Variants in TNC observed in about 807,000 individuals in gnomAD.
TNC encodes the protein tenascin.
TNC carries 109 observed loss-of-function variants against 202.4 expected under a neutral mutation model. The observed-to-expected ratio is 0.54, with a 90% CI of 0.46 to 0.63. TNC has a LOEUF of 0.63. Ranked by LOEUF, TNC falls within the 30% of genes least tolerant of loss-of-function variation. The pLI is 0.00. For missense variants in TNC, 2,756 were observed against 2,833.3 expected, an observed-to-expected ratio of 0.97 and a Z score of 0.62; for synonymous variants, 1,007 against 1,089.7, an observed-to-expected ratio of 0.92 and a Z score of 1.50.
chr9:115,084,335 G>A lies in TNC; in HGVS notation c.2005C>T (p.Arg669Cys), dbSNP rs370688982. 2.8e-5 allele frequency: 46 copies of A among 1,614,040 alleles called. No homozygotes were observed. The highest frequency in any genetic ancestry group is 6.7e-5 in the Admixed American group (4 of 60,002). The change falls in exon 4 of 28, where the codon CGT (arginine) becomes TGT (cysteine). Residue 669 changes from arginine to cysteine, a missense_variant. By Grantham distance (180) the Arg-to-Cys change is radical. Around this residue, in one of 2 missense-constraint regions of TNC, gnomAD observed 2,559 missense variants for 2,546.0 expected, o/e 1.01. Transcript: ENST00000350763. ...THEGGLEMQF[R>C]VPGDQTSTII... ...GTGGACGTCTGGTCCCCAGGCACACGGAACTGCATTTCCAGACCACCCTCG... is the reference window on the plus strand; with the variant it reads ...GTGGACGTCTGGTCCCCAGGCACACAGAACTGCATTTCCAGACCACCCTCG...
intron 13 of TNC, among the ~76,000 whole-genome samples, chr9:115,062,651 A>G (rs927325705): frequency 1.3e-5 from 2 of 149,762 alleles, no homozygotes; most frequent in African/African-American, 4.9e-5. Context: ...ACACACACAC[A>G]TATATATATA....
intron 7 of TNC, among the ~76,000 whole-genome samples, chr9:115,077,664 T>A (rs1460428168): frequency 6.6e-6 from 1 of 152,246 alleles, no homozygotes; most frequent in East Asian, 1.9e-4. Context: ...AAATATTTAT[T>A]TGAACTTTAT....
At chr9:115,054,043 A>G (rs1564444818) in intron 15 of TNC, among the ~76,000 whole-genome samples, 1 of 152,206 alleles carries the variant, frequency 6.6e-6, no homozygotes, top group Non-Finnish European at 1.5e-5. Context: ...TTTATCAAAT[A>G]AAACTAATTT....
intron 8 of TNC, 83 bp from the exon 9 acceptor site, chr9:115,076,204 C>T (rs1162484432): frequency 2.0e-6 from 3 of 1,464,090 alleles, no homozygotes; most frequent in Admixed American, 1.7e-5. Context: ...TTGAGTTGGT[C>T]TCTGGAGGCT....
rs150299391 is a variant in TNC, at chr9:115,027,671, T to C, written c.6170-976A>G. 3.6e-4 allele frequency among the ~76,000 whole-genome samples: 55 copies of C among 152,322 alleles called. 1 individual carries two copies. The highest frequency in any genetic ancestry group is 1.3e-3 in the African/African-American group (54 of 41,576). On this transcript the variant is annotated intron_variant, in intron 25 of 27. Transcript: ENST00000350763. ...AATGAATAATATAGATAAATGTTTA[T>C]TATAATATGATAAACATTTTCTGGG...
intron 17 of TNC, among the ~76,000 whole-genome samples, chr9:115,043,518 G>T (rs1830934384): frequency 1.3e-5 from 2 of 152,146 alleles, no homozygotes; most frequent in African/African-American, 2.4e-5. Flanking sequence ...TTCTCCATCT[G>T]TCCAGAGGGA....
At chr9:115,068,718 G>A (rs1479601273) in intron 10 of TNC, among the ~76,000 whole-genome samples, 1 of 152,200 alleles carries the variant, frequency 6.6e-6, no homozygotes, top group African/African-American at 2.4e-5. Context: ...ATAGCTTGCA[G>A]TTCACTAAGG....
At chr9:115,049,783 G>A (rs1302853484) in intron 15 of TNC, among the ~76,000 whole-genome samples, 1 of 151,844 alleles carries the variant, frequency 6.6e-6, no homozygotes, top group Non-Finnish European at 1.5e-5. Flanking sequence ...CTTACAAAGA[G>A]ATAAATGCTC....
chr9:115,057,442 TA>T lies in TNC; in HGVS notation c.4307-18del, dbSNP rs748858549. On this transcript the variant is annotated intron_variant, in intron 14 of 27. Coordinates refer to ENST00000350763, the MANE Select transcript of TNC (RefSeq NM_002160.4). ...GTTCTTTGGCTGTAAAAGGAAGGGG[TA>T]GGGGAGAAGAAAAAAATAAATTTGA... 5 of 1,568,698 alleles carry T rather than the reference TA, an allele frequency of 3.2e-6. No individual in the cohort carries two copies. Among genetic ancestry groups the T allele is most frequent in the Non-Finnish European group, 4.3e-6 (5 of 1,165,806 alleles).
At chr9:115,109,762 T>C (rs1160635035) in intron 1 of TNC, among the ~76,000 whole-genome samples, 1 of 152,208 alleles carries the variant, frequency 6.6e-6, no homozygotes, top group African/African-American at 2.4e-5. Flanking sequence ...CAGTTTCCTG[T>C]CCTAGGGCTG....
chr9:115,098,794 T>C (rs1835988078), intron 1 of TNC, among the ~76,000 whole-genome samples: 1 of 152,210 alleles, frequency 6.6e-6, no homozygotes, highest in Non-Finnish European at 1.5e-5. Context: ...TTATTGTGCA[T>C]GGCCTGTCAA....
At chr9:115,048,822 G>A (rs1831414116) in intron 15 of TNC, among the ~76,000 whole-genome samples, 1 of 152,126 alleles carries the variant, frequency 6.6e-6, no homozygotes, top group African/African-American at 2.4e-5. Flanking sequence ...AGAAGAGATA[G>A]AGCGAAGATT....
In TNC at chr9:115,041,076, A is replaced by G; in HGVS notation, c.5257T>C (p.Ser1753Pro). Residue 1753 changes from serine (S) to proline (P), a missense_variant, in exon 19 of 28, where the codon TCC (serine) becomes CCC (proline). Physicochemically the swap from Ser to Pro is moderately conservative, Grantham distance 74 (BLOSUM62 -1). Coordinates refer to ENST00000350763, the MANE Select transcript of TNC (RefSeq NM_002160.4). ...TTGGTTCCGTCCACAGTTACCATGG[A>G]GGGTGTACCTGGAACACAGTAAAAG... ...TYVPITGGTP[S>P]MVTVDGTKTQ... The G allele has an allele frequency of 6.2e-7, 1 of 1,613,312 alleles. No homozygotes were observed. Among genetic ancestry groups the G allele is most frequent in the Admixed American group, 1.7e-5 (1 of 59,904 alleles).
Position 115,063,132 on chromosome 9 carries a change from C to T in TNC, c.3818G>A (p.Arg1273Lys), listed in dbSNP as rs1431507969. 2.5e-6 allele frequency: 4 copies of T among 1,614,190 alleles called. No homozygotes were observed. The highest frequency in any genetic ancestry group is 3.4e-6 in the Non-Finnish European group (4 of 1,180,034). Residue 1273 changes from arginine to lysine, a missense_variant, in exon 13 of 28, where the codon AGA becomes AAA. Physicochemically the swap from Arg to Lys is conservative, Grantham distance 26 (BLOSUM62 2). Transcript: ENST00000350763. ...TVTEVSWDAL[R>K]LNWTTPDGTY... Reference sequence around the variant, plus strand: ...TCCATCTGGCGTGGTCCAGTTCAGTCTGAGAGCATCCCAGCTAACCTCGGT... The same window carrying T: ...TCCATCTGGCGTGGTCCAGTTCAGTTTGAGAGCATCCCAGCTAACCTCGGT...
At chr9:115,116,202 A>G (rs900643991) in intron 1 of TNC, among the ~76,000 whole-genome samples, 3 of 152,242 alleles carry the variant, frequency 2.0e-5, no homozygotes, top group African/African-American at 7.2e-5. Flanking sequence ...GGGATAAAAT[A>G]GAGAAGCTAG....
At chr9:115,022,058 T>G (rs1389381495) in intron 27 of TNC, among the ~76,000 whole-genome samples, 1 of 152,264 alleles carries the variant, frequency 6.6e-6, no homozygotes, top group African/African-American at 2.4e-5. Flanking sequence ...GTTTCAACTT[T>G]GACTCTTCAG....
intron 2 of TNC, 58 bp downstream of exon 2, chr9:115,090,504 T>A: frequency 7.2e-7 from 1 of 1,379,994 alleles, no homozygotes; most frequent in South Asian, 1.4e-5. Flanking sequence ...GATGCTGCTA[T>A]GCTCTTCATT....
At chr9:115,066,637 A>T (rs1832974311) in intron 10 of TNC, among the ~76,000 whole-genome samples, 1 of 152,198 alleles carries the variant, frequency 6.6e-6, no homozygotes, top group African/African-American at 2.4e-5. Context: ...GCAAACTGTT[A>T]CCCGAGGCCC....
intron 20 of TNC, among the ~76,000 whole-genome samples, 164 bp from the exon 21 acceptor site, chr9:115,036,405 T>C (rs1344415453): frequency 1.3e-5 from 2 of 152,180 alleles, no homozygotes; most frequent in Non-Finnish European, 2.9e-5. Context: ...TTTCTCTCTC[T>C]TGAGCACTCA....
Sources: gnomAD v4.1 joint callset for allele counts (sites outside exome capture counted in the v4.1 genomes callset) on GRCh38, gnomAD v4.1.1 for gene constraint, gnomAD v4.1.1 regional missense constraint, MANE v1.5 for transcripts, NCBI Gene and HGNC (gene_info 2026-07-23, HGNC 2026-07-21) for gene names.